The following MYO5C variants were observed in gnomAD, a reference collection of about 807,000 sequenced individuals.
MYO5C encodes the protein unconventional myosin-Vc.
In MYO5C, 194 loss-of-function variants were observed where a neutral mutation model predicts 235.7. That is an observed-to-expected ratio of 0.82 (90% CI 0.73 to 0.93). The LOEUF is 0.93. Ranked by LOEUF, MYO5C falls within the 40% of genes least tolerant of loss-of-function variation. The pLI, the probability that MYO5C is intolerant of heterozygous loss-of-function variation, is 0.00. For synonymous variants in MYO5C, 707 were observed against 754.8 expected, an observed-to-expected ratio of 0.94 and a Z score of 1.04; for missense variants, 2,038 against 2,127.2, an observed-to-expected ratio of 0.96 and a Z score of 0.82.
intron 2 of MYO5C, among the ~76,000 whole-genome samples, chr15:52,281,531 T>C (rs1317571920): frequency 6.6e-6 from 1 of 152,184 alleles, no homozygotes; most frequent in Non-Finnish European, 1.5e-5. Context: ...GAGCTCCTGT[T>C]GGAAAGGGAA....
At chr15:52,208,453 C>A in intron 36 of MYO5C, 101 bp downstream of exon 36, 1 of 1,015,382 alleles carries the variant, frequency 9.8e-7, no homozygotes, top group Non-Finnish European at 1.5e-6. Context: ...GTGCTGTTGG[C>A]CTCCTGGTGG....
intron 22 of MYO5C, 86 bp from the exon 23 acceptor site, chr15:52,235,849 T>C: frequency 1.2e-6 from 1 of 817,858 alleles, no homozygotes. Context: ...AAAAGATGTA[T>C]ATTCTTAAAT....
intron 1 of MYO5C, among the ~76,000 whole-genome samples, chr15:52,288,437 T>G (rs1210931635): frequency 3.3e-5 from 5 of 152,128 alleles, no homozygotes; most frequent in Non-Finnish European, 1.5e-5. Context: ...GACCAGTGAC[T>G]CCTCAGCCCA....
chr15:52,267,932 T>C (rs773298443), intron 8 of MYO5C, among the ~76,000 whole-genome samples: 11 of 152,148 alleles, frequency 7.2e-5, no homozygotes, highest in Non-Finnish European at 1.0e-4. Context: ...AAGCCCCCTC[T>C]CCATGGAGTA....
At chr15:52,201,832 T>C (rs1034935017) in intron 38 of MYO5C, among the ~76,000 whole-genome samples, 2 of 151,508 alleles carry the variant, frequency 1.3e-5, no homozygotes, top group South Asian at 2.1e-4. Flanking sequence ...TGGTAAGATA[T>C]TGATTCTAAA....
intron 22 of MYO5C, among the ~76,000 whole-genome samples, chr15:52,235,966 G>A (rs773240515): frequency 6.6e-6 from 1 of 152,186 alleles, no homozygotes; most frequent in Non-Finnish European, 1.5e-5. Flanking sequence ...CTTCAAAGGT[G>A]ACACTATTCC....
intron 24 of MYO5C, among the ~76,000 whole-genome samples, chr15:52,232,256 G>A (rs75249325): frequency 0.06 from 3,322 of 55,224 alleles, 485 homozygotes; most frequent in East Asian, 0.5. Context: ...AAGGAGAGAA[G>A]GAAGGAAGGA....
chr15:52,203,320 C>T (rs530641296), intron 38 of MYO5C, among the ~76,000 whole-genome samples: 61 of 152,224 alleles, frequency 4.0e-4, no homozygotes, highest in African/African-American at 1.4e-3. Flanking sequence ...TACAAACAAT[C>T]CATTACACTC....
At chr15:52,273,149 G>A (rs1249842395) in intron 5 of MYO5C, among the ~76,000 whole-genome samples, 7 of 151,986 alleles carry the variant, frequency 4.6e-5, no homozygotes, top group Admixed American at 6.6e-5. Context: ...TGAGACCCCC[G>A]TCTCTACAAA....
At position 52,261,041 on chromosome 15, in the gene MYO5C, G is replaced by C. The variant is rs199783351; in HGVS notation, c.1134C>G (p.Ile378Met). ...TTACCACCGTCTCAGAGCTTGTGACGATTTTGCGATTGCACAGCCACTGAG... is the reference window on the plus strand; with the variant it reads ...TTACCACCGTCTCAGAGCTTGTGACCATTTTGCGATTGCACAGCCACTGAG... The part of the protein sequence containing the change: ...RVAQWLCNRK[I>M]VTSSETVVKP... The change falls in exon 10 of 41, where the codon ATC (isoleucine) becomes ATG (methionine). Residue 378 changes from isoleucine to methionine, a missense_variant. Ile to Met is a conservative substitution (Grantham distance 10). Transcript: ENST00000261839. 283 of 1,614,054 alleles carry C rather than the reference G, an allele frequency of 1.8e-4. No individual in the cohort carries two copies. The highest frequency in any genetic ancestry group is 3.2e-5 in the Non-Finnish European group (38 of 1,180,044).
intron 23 of MYO5C, 64 bp downstream of exon 23, chr15:52,235,606 C>T: frequency 4.5e-6 from 6 of 1,330,066 alleles, no homozygotes; most frequent in Non-Finnish European, 6.4e-6. Flanking sequence ...ACTGGTCAAC[C>T]CCAGTATTGT....
chr15:52,287,938 T>G (rs2037311351), intron 1 of MYO5C, among the ~76,000 whole-genome samples: 1 of 151,852 alleles, frequency 6.6e-6, no homozygotes, highest in Non-Finnish European at 1.5e-5. Flanking sequence ...ATCTTGCCAT[T>G]GCACTGCAGC....
intron 7 of MYO5C, among the ~76,000 whole-genome samples, chr15:52,270,568 C>T (rs1652472211): frequency 6.7e-6 from 1 of 149,678 alleles, no homozygotes; most frequent in South Asian, 2.1e-4. Flanking sequence ...GATAATGACT[C>T]TCTCTCTCTC....
intron 7 of MYO5C, 45 bp downstream of exon 7, chr15:52,271,718 C>A: frequency 1.8e-6 from 2 of 1,093,514 alleles, no homozygotes; most frequent in South Asian, 1.9e-5. Context: ...AGAATTTAAG[C>A]CCTCCATAAA....
At chr15:52,289,947 C>T (rs1470434996) in intron 1 of MYO5C, among the ~76,000 whole-genome samples, 1 of 152,290 alleles carries the variant, frequency 6.6e-6, no homozygotes, top group East Asian at 1.9e-4. Context: ...TCTGTTCCTT[C>T]CACCCTAGCC....
chr15:52,293,239 T>G (rs1278764715), intron 1 of MYO5C, among the ~76,000 whole-genome samples: 2 of 152,104 alleles, frequency 1.3e-5, no homozygotes, highest in Admixed American at 1.3e-4. Context: ...GCTCCCCTGT[T>G]AGCTCCTCCT....
intron 7 of MYO5C, 104 bp from the exon 8 acceptor site, chr15:52,269,964 C>A: frequency 1.3e-6 from 1 of 799,248 alleles, no homozygotes; most frequent in South Asian, 1.5e-5. Flanking sequence ...GTGTCATGCA[C>A]TTTACACAGT....
At chr15:52,294,967 TCCCCAAGCGCTTGGTGCCACTGCAGTGC>T (rs1480817630) in intron 1 of MYO5C, among the ~76,000 whole-genome samples, 1 of 151,946 alleles carries the variant, frequency 6.6e-6, no homozygotes, top group Admixed American at 6.6e-5. Context: ...GCCCCTGGGC[TCCCCAAGCGCTTGGTGCCACTGCAGTGC>T]CCTCAAGCCT....
At chr15:52,211,098 C>T (rs1305169075) in intron 35 of MYO5C, among the ~76,000 whole-genome samples, 1 of 152,196 alleles carries the variant, frequency 6.6e-6, no homozygotes, top group African/African-American at 2.4e-5. Flanking sequence ...GAATGGCCAA[C>T]AGCAAGTTGG....
Sources: allele counts gnomAD v4.1 joint callset (sites outside exome capture counted in the v4.1 genomes callset), GRCh38; gene constraint gnomAD v4.1.1; transcripts MANE v1.5; gene names NCBI Gene and HGNC (gene_info 2026-07-23, HGNC 2026-07-21).